NEK7: variants seen among roughly 807,000 people sequenced by gnomAD.
NEK7 encodes the protein NIMA related kinase 7, also known as serine/threonine-protein kinase Nek7.
Under a neutral mutation model 44.6 loss-of-function variants are expected in NEK7, and 18 were observed. The observed-to-expected ratio is 0.40, with a 90% CI of 0.28 to 0.60. The LOEUF (loss-of-function observed/expected upper bound fraction) is 0.60. Among genes scored for constraint, NEK7 ranks in the 20% least tolerant of loss-of-function variants. The probability of loss-of-function intolerance (pLI) is 0.38; values close to 1 mark genes in which losing one functional copy is unlikely to be tolerated. For missense variants in NEK7, 256 were observed against 366.5 expected, an observed-to-expected ratio of 0.70 and a Z score of 2.46; for synonymous variants, 130 against 121.1, an observed-to-expected ratio of 1.07 and a Z score of -0.48.
At chr1:198,295,622 A>G (rs72731935) in intron 8 of NEK7, among the ~76,000 whole-genome samples, 6,511 of 145,080 alleles carry the variant, frequency 0.045, 212 homozygotes, top group Non-Finnish European at 0.062. Context: ...GGACATTCAG[A>G]TTTTTTTTTT....
chr1:198,282,773 T>A (rs1324677759), intron 7 of NEK7, among the ~76,000 whole-genome samples: 1 of 152,148 alleles, frequency 6.6e-6, no homozygotes, highest in Non-Finnish European at 1.5e-5. Context: ...TTATTCTGCC[T>A]GAACTGATTG....
chr1:198,252,810 C>G (rs1235362470), intron 2 of NEK7, among the ~76,000 whole-genome samples: 3 of 151,632 alleles, frequency 2.0e-5, no homozygotes, highest in African/African-American at 4.8e-5. Flanking sequence ...ATTCCCCTCA[C>G]TAGAATGTAA....
At chr1:198,243,033 C>G (rs1315507868) in intron 2 of NEK7, among the ~76,000 whole-genome samples, 2 of 152,060 alleles carry the variant, frequency 1.3e-5, no homozygotes, top group East Asian at 3.9e-4. Context: ...CGTACTCCAG[C>G]CACAGTGTCC....
chr1:198,264,121 T>G lies in NEK7; in HGVS notation c.262-4T>G. 2 of 1,578,656 alleles carry G rather than the reference T, an allele frequency of 1.3e-6. No individual in the cohort carries two copies. The highest frequency in any genetic ancestry group is 1.7e-6 in the Non-Finnish European group (2 of 1,166,352). ...ACTTTCTGATGCCTGTTTTATTTTC[T>G]CAGCAACTCAACCATCCAAATGTAA... On this transcript the variant is annotated splice_polypyrimidine_tract_variant and splice_region_variant and intron_variant, in intron 4 of 9. Coordinates refer to ENST00000367385, the MANE Select transcript of NEK7 (RefSeq NM_133494.3).
At chr1:198,235,067 C>T (rs1479334289) in intron 2 of NEK7, among the ~76,000 whole-genome samples, 1 of 152,142 alleles carries the variant, frequency 6.6e-6, no homozygotes, top group East Asian at 1.9e-4. Flanking sequence ...GATATGGCAA[C>T]ATCTGGTTAG....
chr1:198,304,095 G>A (rs936687523), intron 9 of NEK7, among the ~76,000 whole-genome samples: 2 of 152,110 alleles, frequency 1.3e-5, no homozygotes, highest in African/African-American at 4.8e-5. Context: ...CAGTCCCTTT[G>A]TTCACCTATG....
chr1:198,193,523 C>A (rs1443456071), intron 1 of NEK7, among the ~76,000 whole-genome samples: 1 of 152,110 alleles, frequency 6.6e-6, no homozygotes, highest in African/African-American at 2.4e-5. Flanking sequence ...AAACTTCAGG[C>A]CAATATGCCC....
intron 9 of NEK7, among the ~76,000 whole-genome samples, chr1:198,311,923 G>A (rs1351713545): frequency 2.0e-5 from 3 of 152,166 alleles, no homozygotes; most frequent in African/African-American, 7.2e-5. Context: ...TCTCTGCCCG[G>A]CTTTGGTATC....
At chr1:198,196,932 C>T (rs922345974) in intron 1 of NEK7, among the ~76,000 whole-genome samples, 1 of 152,106 alleles carries the variant, frequency 6.6e-6, no homozygotes, top group Admixed American at 6.5e-5. Context: ...CCTGAATAAG[C>T]CTCACTTTTC....
At chr1:198,185,190 A>ATTTTTTTTTTTTTTTTTTTTTTTTTT (rs919588030) in intron 1 of NEK7, among the ~76,000 whole-genome samples, 1 of 83,818 alleles carries the variant, frequency 1.2e-5, no homozygotes, top group Non-Finnish European at 2.3e-5. Flanking sequence ...CATGCTGTCT[A>ATTTTTTTTTTTTTTTTTTTTTTTTTT]TTTTTTTTTT....
At chr1:198,265,034 C>T (rs1653603669) in intron 5 of NEK7, among the ~76,000 whole-genome samples, 1 of 152,026 alleles carries the variant, frequency 6.6e-6, no homozygotes, top group African/African-American at 2.4e-5. Flanking sequence ...ACATAAAAGT[C>T]TGGGGCTAGT....
At chr1:198,179,553 G>A (rs1664697889) in intron 1 of NEK7, among the ~76,000 whole-genome samples, 1 of 152,090 alleles carries the variant, frequency 6.6e-6, no homozygotes, top group Admixed American at 6.6e-5. Flanking sequence ...CATGAGGATG[G>A]CTCCAACAGA....
chr1:198,280,942 C>T (rs1262645143), intron 7 of NEK7, among the ~76,000 whole-genome samples: 1 of 151,414 alleles, frequency 6.6e-6, no homozygotes, highest in East Asian at 1.9e-4. Context: ...TTTTGTTTTA[C>T]ATATTATTTT....
At chr1:198,319,312 T>C in intron 9 of NEK7, 100 bp from the exon 10 acceptor site, 1 of 680,518 alleles carries the variant, frequency 1.5e-6, no homozygotes. Flanking sequence ...AAAATGTACT[T>C]TCCTTGTAAA....
At chr1:198,249,205 A>G (rs1571570610) in intron 2 of NEK7, among the ~76,000 whole-genome samples, 1 of 151,934 alleles carries the variant, frequency 6.6e-6, no homozygotes, top group East Asian at 1.9e-4. Flanking sequence ...CCATGTCCCT[A>G]CAAAGGACAT....
chr1:198,172,131 G>T (rs1185806962), intron 1 of NEK7, among the ~76,000 whole-genome samples: 1 of 152,156 alleles, frequency 6.6e-6, no homozygotes, highest in Non-Finnish European at 1.5e-5. Flanking sequence ...ACGAGTTAAT[G>T]AATGAGCTGG....
At chr1:198,295,081 A>C (rs1654671288) in intron 8 of NEK7, among the ~76,000 whole-genome samples, 3 of 150,502 alleles carry the variant, frequency 2.0e-5, no homozygotes, top group Admixed American at 6.6e-5. Context: ...AATATTCCTG[A>C]AACCTCAAAA....
intron 1 of NEK7, among the ~76,000 whole-genome samples, chr1:198,222,174 A>C (rs551422713): frequency 6.6e-6 from 1 of 152,166 alleles, no homozygotes; most frequent in African/African-American, 2.4e-5. Flanking sequence ...ATATGCAATA[A>C]TAGGGTAAGA....
chr1:198,249,965 C>A (rs1049185887), intron 2 of NEK7, among the ~76,000 whole-genome samples: 17 of 145,844 alleles, frequency 1.2e-4, no homozygotes, highest in African/African-American at 4.2e-4. Context: ...ATGCCTATGT[C>A]CTGAATGGTA....
Sources: gnomAD v4.1 joint callset for allele counts (sites outside exome capture counted in the v4.1 genomes callset) on GRCh38, gnomAD v4.1.1 for gene constraint, MANE v1.5 for transcripts, NCBI Gene and HGNC (gene_info 2026-07-23, HGNC 2026-07-21) for gene names.